The following SGO1 variants were observed in gnomAD, a reference collection of about 807,000 sequenced individuals.
The protein encoded by SGO1 is serologically defined breast cancer antigen NY-BR-85.
SGO1 carries 39 observed loss-of-function variants against 50.5 expected under a neutral mutation model. The observed-to-expected ratio is 0.77, with a 90% confidence interval of 0.60 to 1.01. SGO1 has a LOEUF of 1.01. Ranked by LOEUF, SGO1 falls within the 50% of genes least tolerant of loss-of-function variation. SGO1 has a pLI of 0.00. For missense variants in SGO1, 638 were observed against 606.0 expected (o/e 1.05, Z -0.55); for synonymous variants, 191 against 205.1 (o/e 0.93, Z 0.59).
Position 20,169,587 on chromosome 3 carries a change from C to G in SGO1, c.*1117G>C, listed in dbSNP as rs1195103875. On this transcript the variant is annotated 3_prime_UTR_variant, in exon 8 of 8. Transcript: ENST00000412997. The stretch of plus-strand genomic sequence containing the variant: ...TAGACATCAAACTTTCTAAACTGAA[C>G]TAATTCGCTTTCATTGGTTGGTCAA... 1.0e-6 allele frequency: 1 copy of G among 985,098 alleles called. No homozygotes were observed. The highest frequency in any genetic ancestry group is 1.2e-6 in the Non-Finnish European group (1 of 829,808). The allele number at this position is 985,098 out of a possible 1,614,324, so 61.0% of individuals were successfully genotyped here.
At chr3:20,167,960 A>G (rs921826259), downstream of SGO1, among the ~76,000 whole-genome samples, 4 of 152,212 alleles carry the variant, frequency 2.6e-5, no homozygotes, top group Non-Finnish European at 4.4e-5. Context: ...TCTGATTTAT[A>G]TAATAAACTG....
intron 8 of SGO1, chr3:20,161,363 C>CA: frequency 7.6e-7 from 1 of 1,315,322 alleles, no homozygotes. Flanking sequence ...AGCAAACAAT[C>CA]AAAAGTCAGC....
Position 20,169,840 on chromosome 3 carries a change from A to G in SGO1, c.*864T>C, listed in dbSNP as rs62241674. 0.063 allele frequency: 61,555 copies of G among 976,040 alleles called. 2,133 individuals carry two copies. The highest frequency in any genetic ancestry group is 0.068 in the Non-Finnish European group (55,870 of 821,334). 60.5% of individuals were successfully genotyped at this position (976,040 alleles called of 1,614,324 possible). A position where few individuals can be genotyped will look rare whatever the true frequency, so the allele number is the denominator to read the frequency against. Reference sequence around the variant, plus strand: ...ACATATTTTATCTGAAAAATTAAATATAACAGTGGTATAAGGAATTCATAA... The same window carrying G: ...ACATATTTTATCTGAAAAATTAAATGTAACAGTGGTATAAGGAATTCATAA... On this transcript the variant is annotated 3_prime_UTR_variant, in exon 8 of 8. Coordinates refer to ENST00000412997, the MANE Select transcript of SGO1 (RefSeq NM_001199251.3).
chr3:20,177,797 A>G (rs1228163953), intron 4 of SGO1, among the ~76,000 whole-genome samples: 3 of 152,218 alleles, frequency 2.0e-5, no homozygotes, highest in Admixed American at 2.0e-4. Context: ...TTGATCCAAG[A>G]GAAGGGGAGG....
chr3:20,170,526 G>T lies in SGO1; in HGVS notation c.*178C>A. On this transcript the variant is annotated 3_prime_UTR_variant, in exon 8 of 8. Transcript: ENST00000412997. ...GAAAAAATAAATTAAATTTATTAAA[G>T]TTTTAATACAAAGCATCCCATTTGA... The T allele has an allele frequency of 8.3e-7, 1 of 1,207,412 alleles. No individual in the cohort carries two copies. The highest frequency in any genetic ancestry group is 1.0e-6 in the Non-Finnish European group (1 of 970,872). The allele number at this position is 1,207,412 out of a possible 1,614,324, so 74.8% of individuals were successfully genotyped here. A position where few individuals can be genotyped will look rare whatever the true frequency, so the allele number is the denominator to read the frequency against.
At chr3:20,171,658 T>C (rs971028569) in intron 6 of SGO1, among the ~76,000 whole-genome samples, 1 of 152,220 alleles carries the variant, frequency 6.6e-6, no homozygotes, top group African/African-American at 2.4e-5. Context: ...CCATGGAATT[T>C]CATTTTAGTC....
chr3:20,174,805 T>G lies in SGO1; in HGVS notation c.726A>C (p.Gln242His). The G allele has an allele frequency of 6.2e-7, 1 of 1,614,156 alleles. No homozygotes were observed. The highest frequency in any genetic ancestry group is 1.7e-4 in the Middle Eastern group (1 of 6,060). Residue 242 changes from glutamine (Q) to histidine (H), a missense_variant, in exon 6 of 8, where the codon CAA becomes CAC. Transcript: ENST00000412997. ...CCTTGCTCCATTGACAAGCATTGTGTTGTACATTTTCAGGTATGTGCATGT... is the reference window on the plus strand; with the variant it reads ...CCTTGCTCCATTGACAAGCATTGTGGTGTACATTTTCAGGTATGTGCATGT... ...LVNMHIPENV[Q>H]HNACQWSKDQ...
downstream of SGO1, among the ~76,000 whole-genome samples, chr3:20,165,974 A>G (rs1269715076): frequency 6.6e-6 from 1 of 152,124 alleles, no homozygotes; most frequent in Admixed American, 6.6e-5. Context: ...AATCGCTGGA[A>G]CCCAGGAGGT....
intron 7 of SGO1, 58 bp from the exon 8 acceptor site, chr3:20,170,873 C>T: frequency 1.3e-6 from 2 of 1,549,678 alleles, no homozygotes; most frequent in Non-Finnish European, 1.7e-6. Flanking sequence ...TTAACTTACT[C>T]TTCCCTACCA....
At chr3:20,185,495 G>A (rs1035931016) in intron 1 of SGO1, among the ~76,000 whole-genome samples, 28 of 152,054 alleles carry the variant, frequency 1.8e-4, no homozygotes, top group African/African-American at 5.6e-4. Flanking sequence ...TACAGTACTC[G>A]TGTAAGCGCT....
chr3:20,175,621 C>T (rs1195431171), intron 5 of SGO1, among the ~76,000 whole-genome samples: 2 of 111,050 alleles, frequency 1.8e-5, no homozygotes, highest in Non-Finnish European at 3.4e-5. Context: ...ACAGTGAAAC[C>T]CCGTCTCTAC....
At chr3:20,169,032 G>GAA, downstream of SGO1, 1 of 871,578 alleles carries the variant, frequency 1.1e-6, no homozygotes, top group South Asian at 5.2e-5. Context: ...GGAGTAGTAA[G>GAA]AAAAAAAAAA....
chr3:20,181,865 A>T (rs1413549025), intron 3 of SGO1, among the ~76,000 whole-genome samples: 2 of 152,218 alleles, frequency 1.3e-5, no homozygotes, highest in African/African-American at 4.8e-5. Context: ...TGGGTGGGTC[A>T]CTTGAGGCCA....
chr3:20,183,922 G>C lies in SGO1; in HGVS notation c.106C>G (p.Arg36Gly), dbSNP rs377471833. 1 of 1,612,592 alleles carries C rather than the reference G, an allele frequency of 6.2e-7. No individual in the cohort carries two copies. The highest frequency in any genetic ancestry group is 1.1e-5 in the South Asian group (1 of 90,506). ...CATGGTGCAGCTATAAAAGACCTGC[G>C]TTTGCCAATCTCTGCCAAGTTTTTA... is the stretch of plus-strand genomic sequence containing the variant. ...RNKNLAEIGK[R>G]RSFIAAPCQI... is the part of the protein sequence containing the mutation. Residue 36 changes from arginine (R) to glycine (G), a missense_variant, in exon 2 of 8, where the codon CGC becomes GGC. Coordinates refer to ENST00000412997, the MANE Select transcript of SGO1 (RefSeq NM_001199251.3).
downstream of SGO1, among the ~76,000 whole-genome samples, chr3:20,168,064 T>G (rs940379172): frequency 2.0e-5 from 3 of 152,198 alleles, no homozygotes; most frequent in Admixed American, 2.0e-4. Flanking sequence ...GTGTACAATA[T>G]TCCTATAAAA....
intron 6 of SGO1, among the ~76,000 whole-genome samples, chr3:20,173,803 A>G (rs938213290): frequency 6.6e-6 from 1 of 152,226 alleles, no homozygotes; most frequent in Non-Finnish European, 1.5e-5. Context: ...CTATCAATTG[A>G]GGAAATCTTC....
At position 20,170,692 on chromosome 3, in the gene SGO1, C is replaced by G. The variant is rs761397128; in HGVS notation, c.*12G>C. ...GGTGTAGATTGAATTTAAACAATAT[C>G]CAACAAAACCTTCATTGTATTTGTT... On this transcript the variant is annotated 3_prime_UTR_variant, in exon 8 of 8. Transcript: ENST00000412997. The G allele has an allele frequency of 2.8e-5, 44 of 1,557,250 alleles. No homozygotes were observed. The highest frequency in any genetic ancestry group is 1.8e-4 in the Middle Eastern group (1 of 5,416).
intron 6 of SGO1, among the ~76,000 whole-genome samples, chr3:20,172,589 G>A (rs1176892145): frequency 1.3e-5 from 2 of 151,580 alleles, no homozygotes; most frequent in Non-Finnish European, 2.9e-5. Context: ...AGACGTCTAG[G>A]GATTAAACTC....
At chr3:20,184,060 C>G (rs751702318) in intron 1 of SGO1, 26 bp from the exon 2 acceptor site, 3 of 1,527,708 alleles carry the variant, frequency 2.0e-6, no homozygotes, top group African/African-American at 1.4e-5. Flanking sequence ...TATTTTTTCT[C>G]AGAGAGAATA....
Sources: allele counts gnomAD v4.1 joint callset (sites outside exome capture counted in the v4.1 genomes callset), GRCh38; gene constraint gnomAD v4.1.1; transcripts MANE v1.5; gene names NCBI Gene and HGNC (gene_info 2026-07-23, HGNC 2026-07-21).